Variants in MCF2L observed in about 807,000 individuals in gnomAD.
MCF2L encodes guanine nucleotide exchange factor DBS.
MCF2L carries 97 observed loss-of-function variants against 153.4 expected under a neutral mutation model. The ratio of observed to expected loss-of-function variants is 0.63; its 90% CI spans 0.54 to 0.75. MCF2L has a LOEUF of 0.75. Among genes scored for constraint, MCF2L ranks in the 30% least tolerant of loss-of-function variants. The probability of loss-of-function intolerance (pLI) is 0.00; values close to 1 mark genes in which losing one functional copy is unlikely to be tolerated. For missense variants in MCF2L, 1,347 were observed against 1,495.2 expected, an observed-to-expected ratio of 0.90 and a Z score of 1.64; for synonymous variants, 659 against 632.2, an observed-to-expected ratio of 1.04 and a Z score of -0.64.
At chr13:112,945,601 G>T (rs1282295409) in intron 2 of MCF2L, among the ~76,000 whole-genome samples, 1 of 152,170 alleles carries the variant, frequency 6.6e-6, no homozygotes, top group Non-Finnish European at 1.5e-5. Flanking sequence ...TTTTGACCTT[G>T]AGCAGCAGTT....
rs770872135 is a variant in MCF2L at position 113,076,064 on chromosome 13, C to G, written c.1407C>G (p.Ile469Met). 6.8e-6 allele frequency: 11 copies of G among 1,614,016 alleles called. No individual in the cohort carries two copies. The highest frequency in any genetic ancestry group is 3.3e-5 in the Admixed American group (2 of 60,008). The change falls in exon 12 of 30, where the codon ATC (isoleucine) becomes ATG (methionine). Residue 469 changes from isoleucine (I) to methionine (M), a missense_variant. Coordinates refer to ENST00000535094, the MANE Select transcript of MCF2L (RefSeq NM_001112732.3). ...QDGAEAALQE[I>M]EKFLETGAEN... The stretch of plus-strand genomic sequence containing the variant: ...GCGCGGAGGCTGCCCTCCAGGAAAT[C>G]GAGAAGTTTTTGGAGACCGGTGCGG...
At position 113,087,819 on chromosome 13, in the gene MCF2L, C is replaced by T; in HGVS notation, c.2688+20C>T. 1 of 1,602,924 alleles carries T rather than the reference C, an allele frequency of 6.2e-7. No individual in the cohort carries two copies. On this transcript the variant is annotated intron_variant, in intron 23 of 29. Coordinates refer to ENST00000535094, the MANE Select transcript of MCF2L (RefSeq NM_001112732.3). Reference sequence around the variant, plus strand: ...GTCCAGGTGGGCCACCCACCCTACCCCTGGCCTCTTACACATTGCCACGAA... The same window carrying T: ...GTCCAGGTGGGCCACCCACCCTACCTCTGGCCTCTTACACATTGCCACGAA...
chr13:113,036,083 GTTA>G (rs1438322581), intron 3 of MCF2L, among the ~76,000 whole-genome samples: 1 of 152,116 alleles, frequency 6.6e-6, no homozygotes, highest in African/African-American at 2.4e-5. Flanking sequence ...AGTGGATTTT[GTTA>G]TTATAGACAA....
At chr13:112,924,226 C>A (rs1251935647) in intron 2 of MCF2L, among the ~76,000 whole-genome samples, 2 of 152,082 alleles carry the variant, frequency 1.3e-5, no homozygotes, top group African/African-American at 4.8e-5. Flanking sequence ...CCACAACCCC[C>A]CCACGATGTG....
chr13:112,938,116 AGGGGTTGGTTCAGGTGAGCG>A (rs2081538879), intron 2 of MCF2L, among the ~76,000 whole-genome samples: 7 of 128,606 alleles, frequency 5.4e-5, no homozygotes, highest in African/African-American at 2.1e-4. Context: ...GTGAGCGCTG[AGGGGTTGGTTCAGGTGAGCG>A]CTGAGGGGTT....
chr13:113,014,370 G>A (rs1338768636), intron 1 of MCF2L, among the ~76,000 whole-genome samples: 1 of 152,180 alleles, frequency 6.6e-6, no homozygotes, highest in African/African-American at 2.4e-5. Flanking sequence ...GCGGGGCAGG[G>A]GTCGCCTGAA....
In MCF2L at chr13:112,909,399, A is replaced by G. The variant is rs1303930569; in HGVS notation, c.169+7028A>G. 1.1e-5 allele frequency: 8 copies of G among 747,402 alleles called. No homozygotes were observed. The East Asian group carries it at 1.7e-4, about 16-fold the overall frequency. The allele number at this position is 747,402 out of a possible 1,614,324, so 46.3% of individuals were successfully genotyped here. ...GAAGCCAGGCTAAGGCGTTGATCCCAAGGGGCTGTCTGCAGGGGTTTGGGG... is the reference window on the plus strand; with the variant it reads ...GAAGCCAGGCTAAGGCGTTGATCCCGAGGGGCTGTCTGCAGGGGTTTGGGG... On this transcript the variant is annotated intron_variant, in intron 2 of 29. Coordinates refer to the MCF2L transcript ENST00000375608.
chr13:113,000,120 T>C (rs1340925988), intron 1 of MCF2L, among the ~76,000 whole-genome samples: 1 of 152,138 alleles, frequency 6.6e-6, no homozygotes, highest in Non-Finnish European at 1.5e-5. Flanking sequence ...CCGGGGCTCG[T>C]GTTCCAGGGA....
In MCF2L at chr13:113,001,921, G is replaced by A. The variant is rs552424863; in HGVS notation, c.80-12842G>A. Reference sequence around the variant, plus strand: ...CTCGCACTGGGCAGCATGACGGTGCGCCGGCTGTCACTGCTGTGCCGGGAC... The same window carrying A: ...CTCGCACTGGGCAGCATGACGGTGCACCGGCTGTCACTGCTGTGCCGGGAC... On this transcript the variant is annotated intron_variant, in intron 1 of 29. Transcript: ENST00000535094. 137 of 1,593,794 alleles carry A rather than the reference G, an allele frequency of 8.6e-5. No homozygotes were observed. In the South Asian group the frequency reaches 1.4e-3, roughly 16 times the overall value.
chr13:113,009,353 CTG>C (rs1208972435), intron 1 of MCF2L: 1 of 152,264 alleles, frequency 6.6e-6, no homozygotes, highest in East Asian at 1.9e-4. Flanking sequence ...ATTTAAGTCA[CTG>C]TGTATGTGAC....
intron 4 of MCF2L, among the ~76,000 whole-genome samples, chr13:113,049,179 G>T (rs1238344037): frequency 6.6e-6 from 1 of 152,234 alleles, no homozygotes; most frequent in African/African-American, 2.4e-5. Flanking sequence ...GGGCCACAAG[G>T]CCAAGGAGGC....
At position 112,999,819 on chromosome 13, in the gene MCF2L, T is replaced by C. The variant is rs943131532; in HGVS notation, c.80-14944T>C. On this transcript the variant is annotated intron_variant, in intron 1 of 29. Transcript: ENST00000535094. ...CTCCTGTGCCCCTGCCGCCTGATAATGTAGGAGTTGTGCCTGCAAAACATG... is the reference window on the plus strand; with the variant it reads ...CTCCTGTGCCCCTGCCGCCTGATAACGTAGGAGTTGTGCCTGCAAAACATG... Among the ~76,000 whole-genome samples the C allele has an allele frequency of 7.2e-5, 11 of 152,282 alleles. No individual in the cohort carries two copies. In the East Asian group the frequency reaches 2.1e-3, roughly 29 times the overall value.
At chr13:113,025,860 C>T (rs76723112) in intron 3 of MCF2L, among the ~76,000 whole-genome samples, 10 of 145,436 alleles carry the variant, frequency 6.9e-5, no homozygotes, top group East Asian at 2.2e-4. Context: ...GGTGGGGTCC[C>T]CGTGACTGTG....
chr13:113,050,624 ACCGTGGGGG>A (rs1303175560), intron 4 of MCF2L, among the ~76,000 whole-genome samples: 1 of 136,142 alleles, frequency 7.3e-6, no homozygotes, highest in African/African-American at 2.7e-5. Flanking sequence ...GGAGGAGCTC[ACCGTGGGGG>A]CGGTGGGGGC....
intron 15 of MCF2L, among the ~76,000 whole-genome samples, chr13:113,080,770 C>T (rs549229139): frequency 4.1e-4 from 62 of 152,330 alleles, no homozygotes; most frequent in East Asian, 7.7e-4. Context: ...ATACCCACCA[C>T]GAGGAAGGCT....
chr13:113,020,246 G>A (rs2084790754), intron 2 of MCF2L, among the ~76,000 whole-genome samples: 1 of 152,208 alleles, frequency 6.6e-6, no homozygotes, highest in South Asian at 2.1e-4. Flanking sequence ...AGCTCATGTG[G>A]GTGAGTTTCT....
In MCF2L at chr13:113,014,772, T is replaced by C. The variant is rs2084401174; in HGVS notation, c.89T>C (p.Met30Thr). The C allele has an allele frequency of 1.9e-6, 3 of 1,613,810 alleles. No individual in the cohort carries two copies. The highest frequency in any genetic ancestry group is 1.3e-5 in the African/African-American group (1 of 74,928). ...NAVSKHTDEI[M>T]HQDIVPLCAA... The stretch of plus-strand genomic sequence containing the variant: ...TGCTCTTTCCGTGCAGATGAAATCA[T>C]GCACCAGGACATCGTCCCGCTCTGT... The change falls in exon 2 of 30, where the codon ATG becomes ACG. Residue 30 changes from methionine (M) to threonine (T), a missense_variant. Transcript: ENST00000535094.
At chr13:112,996,162 G>A (rs934135992) in intron 1 of MCF2L, among the ~76,000 whole-genome samples, 1 of 152,130 alleles carries the variant, frequency 6.6e-6, no homozygotes, top group African/African-American at 2.4e-5. Context: ...AAGGTAAATG[G>A]CATTTAAAAT....
At chr13:113,019,438 A>AGAC (rs2084742689) in intron 2 of MCF2L, among the ~76,000 whole-genome samples, 1 of 152,220 alleles carries the variant, frequency 6.6e-6, no homozygotes, top group African/African-American at 2.4e-5. Context: ...CTTCAGCCAC[A>AGAC]GACAGACAGA....
Sources: gnomAD v4.1 joint callset for allele counts (sites outside exome capture counted in the v4.1 genomes callset) on GRCh38, gnomAD v4.1.1 for gene constraint, MANE v1.5 for transcripts, NCBI Gene and HGNC (gene_info 2026-07-23, HGNC 2026-07-21) for gene names.